The following TPH2 variants were observed in gnomAD, a reference collection of about 807,000 sequenced individuals.
The protein encoded by TPH2 is tryptophan 5-hydroxylase 2.
Under a neutral mutation model 59.1 loss-of-function variants are expected in TPH2, and 27 were observed. That is an observed-to-expected ratio of 0.46 (90% CI 0.34 to 0.63). TPH2 has a LOEUF of 0.63. TPH2 is among the 30% of genes least tolerant of loss of function. The pLI, the probability that TPH2 is intolerant of heterozygous loss-of-function variation, is 0.01. For synonymous variants in TPH2, 220 were observed against 210.5 expected, an observed-to-expected ratio of 1.05 and a Z score of -0.39; for missense variants, 523 against 588.3, an observed-to-expected ratio of 0.89 and a Z score of 1.15.
At chr12:71,985,889 A>G (rs1339002785) in intron 7 of TPH2, among the ~76,000 whole-genome samples, 2 of 152,144 alleles carry the variant, frequency 1.3e-5, no homozygotes, top group African/African-American at 4.8e-5. Context: ...ATTTATCAAG[A>G]GGAGGAGGCA....
intron 5 of TPH2, among the ~76,000 whole-genome samples, chr12:71,957,606 G>T (rs1164089278): frequency 1.3e-5 from 2 of 152,116 alleles, no homozygotes; most frequent in Non-Finnish European, 2.9e-5. Context: ...AAAGTGATGG[G>T]ATTATAATTG....
chr12:71,939,878 C>G (rs1592855893), intron 1 of TPH2, among the ~76,000 whole-genome samples: 1 of 152,138 alleles, frequency 6.6e-6, no homozygotes, highest in Admixed American at 6.5e-5. Flanking sequence ...TATTACTGTA[C>G]TATCAGAGTT....
At chr12:71,961,104 T>C (rs1035755675) in intron 5 of TPH2, among the ~76,000 whole-genome samples, 2 of 152,154 alleles carry the variant, frequency 1.3e-5, no homozygotes, top group African/African-American at 4.8e-5. Context: ...TAGGTACATA[T>C]TGGGTACTCA....
chr12:71,939,275 C>T (rs1870987548), intron 1 of TPH2, among the ~76,000 whole-genome samples, 184 bp downstream of exon 1: 1 of 151,758 alleles, frequency 6.6e-6, no homozygotes, highest in South Asian at 2.1e-4. Context: ...ATAAGTAAAG[C>T]GAGTGTGCCA....
intron 5 of TPH2, among the ~76,000 whole-genome samples, chr12:71,952,854 C>T (rs1461890261): frequency 2.0e-5 from 3 of 152,288 alleles, no homozygotes; most frequent in South Asian, 2.1e-4. Flanking sequence ...CCTCACACAT[C>T]GCCCAACACA....
At position 71,953,999 on chromosome 12, in the gene TPH2, C is replaced by G. The variant is rs149829499; in HGVS notation, c.608+4344C>G. On this transcript the variant is annotated intron_variant, in intron 5 of 10. Transcript: ENST00000333850. ...GAATAATATATATTGAAACCACAAC[C>G]AAGAAGCCCTCTGGGGGATTCGTGT... Among the ~76,000 whole-genome samples, 410 of 152,188 alleles carry G rather than the reference C, an allele frequency of 2.7e-3. 4 individuals are homozygous for G. The highest frequency in any genetic ancestry group is 0.024 in the Middle Eastern group (7 of 294).
At chr12:72,014,283 C>CTTAATTTACA (rs1873178387) in intron 8 of TPH2, among the ~76,000 whole-genome samples, 2 of 152,116 alleles carry the variant, frequency 1.3e-5, no homozygotes, top group Non-Finnish European at 2.9e-5. Flanking sequence ...TTTTTACCCT[C>CTTAATTTACA]TTAATTTACA....
chr12:71,958,173 A>T (rs1871565297), intron 5 of TPH2, among the ~76,000 whole-genome samples: 1 of 152,162 alleles, frequency 6.6e-6, no homozygotes, highest in Non-Finnish European at 1.5e-5. Context: ...ATTCCTCTGA[A>T]ATGGAGCAGT....
intron 1 of TPH2, among the ~76,000 whole-genome samples, chr12:71,940,002 T>C (rs971245573): frequency 5.3e-5 from 8 of 152,166 alleles, no homozygotes; most frequent in Non-Finnish European, 8.8e-5. Context: ...GATAAAAATG[T>C]TGAAAAGTAA....
chr12:71,939,637 T>G (rs1191914650), intron 1 of TPH2, among the ~76,000 whole-genome samples: 1 of 152,214 alleles, frequency 6.6e-6, no homozygotes, highest in Non-Finnish European at 1.5e-5. Context: ...AAAGTTTTTC[T>G]GTGTTTCACA....
chr12:71,960,832 G>T (rs1871659619), intron 5 of TPH2, among the ~76,000 whole-genome samples: 1 of 152,160 alleles, frequency 6.6e-6, no homozygotes, highest in Admixed American at 6.5e-5. Context: ...ACTTCCACAA[G>T]TCCTGCTTGA....
chr12:72,007,642 A>G (rs1474502041), intron 8 of TPH2, among the ~76,000 whole-genome samples: 1 of 152,150 alleles, frequency 6.6e-6, no homozygotes, highest in Non-Finnish European at 1.5e-5. Context: ...GTCCTATGTT[A>G]GTGTCTAACT....
intron 8 of TPH2, among the ~76,000 whole-genome samples, chr12:72,012,425 G>C (rs562332093): frequency 6.6e-6 from 1 of 152,200 alleles, no homozygotes; most frequent in Non-Finnish European, 1.5e-5. Flanking sequence ...CAAAGGCCCA[G>C]GTGGAATCTG....
intron 8 of TPH2, among the ~76,000 whole-genome samples, chr12:72,009,349 A>G (rs1348038461): frequency 2.6e-5 from 4 of 152,240 alleles, no homozygotes; most frequent in Non-Finnish European, 5.9e-5. Context: ...ACTTACCATG[A>G]GACACTAGAA....
chr12:71,983,072 A>T (rs1330683449), intron 7 of TPH2, among the ~76,000 whole-genome samples: 1 of 152,146 alleles, frequency 6.6e-6, no homozygotes, highest in Non-Finnish European at 1.5e-5. Flanking sequence ...TAAAAATAAA[A>T]AAAAAAAAGT....
chr12:71,995,623 T>C (rs1274057334), intron 8 of TPH2, among the ~76,000 whole-genome samples: 1 of 152,142 alleles, frequency 6.6e-6, no homozygotes, highest in Non-Finnish European at 1.5e-5. Flanking sequence ...GCCATCTAAA[T>C]GGCAAGGACC....
chr12:71,997,930 T>C (rs1410656694), intron 8 of TPH2, among the ~76,000 whole-genome samples: 1 of 152,188 alleles, frequency 6.6e-6, no homozygotes, highest in African/African-American at 2.4e-5. Context: ...GAGTTCAGTG[T>C]TGGAGGCTGG....
intron 8 of TPH2, among the ~76,000 whole-genome samples, chr12:71,998,209 C>T (rs553284001): frequency 6.6e-6 from 1 of 152,270 alleles, no homozygotes; most frequent in South Asian, 2.1e-4. Flanking sequence ...TGCTTGAGCT[C>T]CCACCCCAAC....
intron 9 of TPH2, among the ~76,000 whole-genome samples, chr12:72,026,829 G>A (rs902630879): frequency 1.3e-5 from 2 of 152,126 alleles, no homozygotes; most frequent in Non-Finnish European, 2.9e-5. Flanking sequence ...GCCTAATTTG[G>A]CAATGGGGAT....
Sources: allele counts gnomAD v4.1 joint callset (sites outside exome capture counted in the v4.1 genomes callset), GRCh38; gene constraint gnomAD v4.1.1; transcripts MANE v1.5; gene names NCBI Gene and HGNC (gene_info 2026-07-23, HGNC 2026-07-21).